The following ZNF704 variants were observed in gnomAD, a reference collection of about 807,000 sequenced individuals.
The protein encoded by ZNF704 is zinc finger protein 704.
A neutral mutation model predicts 44.7 loss-of-function variants in ZNF704; 10 were observed. The observed-to-expected ratio is 0.22, with a 90% CI of 0.14 to 0.38. The LOEUF is 0.38. Ranked by LOEUF, ZNF704 falls within the 10% of genes least tolerant of loss-of-function variation. ZNF704 has a pLI of 1.00. For synonymous variants in ZNF704, 211 were observed against 207.6 expected (o/e 1.02, Z -0.14); for missense variants, 390 against 545.5 (o/e 0.71, Z 2.84).
intron 2 of ZNF704, among the ~76,000 whole-genome samples, chr8:80,789,677 G>A (rs1807671897): frequency 6.6e-6 from 1 of 152,100 alleles, no homozygotes; most frequent in South Asian, 2.1e-4. Flanking sequence ...AGGAGTTTGA[G>A]GCTGCAGTAA....
At chr8:80,775,798 T>C (rs1021922293) in intron 2 of ZNF704, among the ~76,000 whole-genome samples, 1 of 152,176 alleles carries the variant, frequency 6.6e-6, no homozygotes, top group African/African-American at 2.4e-5. Context: ...GTGATAAAAA[T>C]GTGCTCCAAT....
At chr8:80,739,104 T>C (rs946348229) in intron 2 of ZNF704, among the ~76,000 whole-genome samples, 1 of 152,240 alleles carries the variant, frequency 6.6e-6, no homozygotes, top group Admixed American at 6.5e-5. Context: ...GTAATGAGTA[T>C]AATTTTTGGA....
chr8:80,876,269 C>T (rs910887260), upstream of ZNF704, among the ~76,000 whole-genome samples: 2 of 152,106 alleles, frequency 1.3e-5, no homozygotes. Context: ...GAGAAGAAAA[C>T]AGAACATTAA....
At chr8:80,746,845 C>T (rs912773024) in intron 2 of ZNF704, among the ~76,000 whole-genome samples, 1 of 152,068 alleles carries the variant, frequency 6.6e-6, no homozygotes, top group Non-Finnish European at 1.5e-5. Flanking sequence ...GTAAACCAGG[C>T]AAAAGGTCCT....
rs890422495 is a variant in ZNF704 at position 80,640,106 on chromosome 8, C to G, written c.*1260G>C. The G allele has an allele frequency of 6.6e-6, 1 of 152,632 alleles. No homozygotes were observed. Among genetic ancestry groups the G allele is most frequent in the African/African-American group, 2.4e-5 (1 of 41,436 alleles). 9.5% of individuals were successfully genotyped at this position (152,632 alleles called of 1,614,324 possible). A position where few individuals can be genotyped will look rare whatever the true frequency, so the allele number is the denominator to read the frequency against. The stretch of plus-strand genomic sequence containing the variant: ...AATTCCTATACCTACATGCATTTTC[C>G]TTTTGGCGTTATGTTCCCTTTTGAG... On this transcript the variant is annotated 3_prime_UTR_variant, in exon 9 of 9. Coordinates refer to ENST00000327835, the MANE Select transcript of ZNF704 (RefSeq NM_001033723.3).
intron 2 of ZNF704, among the ~76,000 whole-genome samples, chr8:80,791,909 T>C (rs1261229118): frequency 6.6e-6 from 1 of 152,146 alleles, no homozygotes; most frequent in East Asian, 1.9e-4. Flanking sequence ...AGGGAAAGAT[T>C]AGGCTGGACT....
At chr8:80,764,860 C>T (rs1394665311) in intron 2 of ZNF704, among the ~76,000 whole-genome samples, 1 of 152,112 alleles carries the variant, frequency 6.6e-6, no homozygotes, top group Non-Finnish European at 1.5e-5. Flanking sequence ...ATAAGAAATA[C>T]AGTAAGAAGG....
intron 2 of ZNF704, among the ~76,000 whole-genome samples, chr8:80,806,296 T>C (rs1425649302): frequency 6.6e-6 from 1 of 152,230 alleles, no homozygotes; most frequent in Non-Finnish European, 1.5e-5. Flanking sequence ...ATGTTCAAGA[T>C]GCTCAAAATT....
In ZNF704 at chr8:80,640,316, G is replaced by A. The variant is rs911930684; in HGVS notation, c.*1050C>T. On this transcript the variant is annotated 3_prime_UTR_variant, in exon 9 of 9. Transcript: ENST00000327835. ...TGATCTAACATGACTTTCTGAACAG[G>A]TAGGGCCATGTGGGCTGTGCTCTGT... 1.3e-5 allele frequency: 2 copies of A among 152,634 alleles called. No homozygotes were observed. The highest frequency in any genetic ancestry group is 2.9e-5 in the Non-Finnish European group (2 of 68,048). 9.5% of individuals were successfully genotyped at this position (152,634 alleles called of 1,614,324 possible).
chr8:80,698,757 G>A (rs1291608779), intron 2 of ZNF704, among the ~76,000 whole-genome samples: 1 of 152,232 alleles, frequency 6.6e-6, no homozygotes, highest in African/African-American at 2.4e-5. Context: ...CATCAGCAGA[G>A]GCAGCCCGGC....
chr8:80,665,835 T>TA lies in ZNF704; in HGVS notation c.660-754_660-753insT, dbSNP rs1296122032. ...TATTTTATTTTATTTTATTTTATTT[T>TA]TTTTTCATGATTGTAAGTTTCCTGA... is the stretch of plus-strand genomic sequence containing the variant. On this transcript the variant is annotated intron_variant, in intron 5 of 8. Coordinates refer to ENST00000327835, the MANE Select transcript of ZNF704 (RefSeq NM_001033723.3). Among the ~76,000 whole-genome samples the TA allele has an allele frequency of 5.3e-4, 80 of 152,020 alleles. 1 individual carries two copies. Among genetic ancestry groups the TA allele is most frequent in the Middle Eastern group, 3.4e-3 (1 of 294 alleles).
chr8:80,770,203 C>A (rs1031460227), intron 2 of ZNF704, among the ~76,000 whole-genome samples: 2 of 152,254 alleles, frequency 1.3e-5, no homozygotes, highest in African/African-American at 4.8e-5. Flanking sequence ...ATATCAGTAA[C>A]CTCTTGTAAA....
chr8:80,757,594 A>G (rs1359115106), intron 2 of ZNF704, among the ~76,000 whole-genome samples: 3 of 152,162 alleles, frequency 2.0e-5, no homozygotes, highest in Non-Finnish European at 4.4e-5. Context: ...GTAGTGTACA[A>G]TAAGGTCCTA....
intron 4 of ZNF704, among the ~76,000 whole-genome samples, chr8:80,685,080 C>G (rs932584500): frequency 2.0e-5 from 3 of 151,876 alleles, no homozygotes; most frequent in African/African-American, 7.3e-5. Context: ...TTTGTTCATT[C>G]CTTCCCACTA....
chr8:80,648,886 T>C (rs1304960468), intron 7 of ZNF704, among the ~76,000 whole-genome samples: 2 of 152,204 alleles, frequency 1.3e-5, no homozygotes, highest in Non-Finnish European at 2.9e-5. Flanking sequence ...TGGAACTCAC[T>C]TCCGAATGAT....
chr8:80,840,849 T>G (rs1380931229), intron 1 of ZNF704, among the ~76,000 whole-genome samples: 2 of 152,208 alleles, frequency 1.3e-5, no homozygotes, highest in East Asian at 3.8e-4. Context: ...CTAAACACAA[T>G]TAGCTCCCTT....
intron 1 of ZNF704, among the ~76,000 whole-genome samples, chr8:80,857,276 A>C (rs558325969): frequency 6.6e-5 from 10 of 152,302 alleles, no homozygotes; most frequent in African/African-American, 2.4e-4. Flanking sequence ...ATTGAATAAA[A>C]CAGGGCAGAC....
intron 2 of ZNF704, among the ~76,000 whole-genome samples, chr8:80,807,621 C>T: frequency 6.6e-6 from 1 of 151,856 alleles, no homozygotes; most frequent in East Asian, 1.9e-4. Context: ...AATATGTCAG[C>T]TCTGCTTAAT....
chr8:80,721,260 G>A (rs1010319299), intron 2 of ZNF704, among the ~76,000 whole-genome samples: 1 of 152,142 alleles, frequency 6.6e-6, no homozygotes, highest in Non-Finnish European at 1.5e-5. Context: ...TTGGAATGAT[G>A]TGGTAACTTT....
Sources: gnomAD v4.1 joint callset for allele counts (sites outside exome capture counted in the v4.1 genomes callset) on GRCh38, gnomAD v4.1.1 for gene constraint, MANE v1.5 for transcripts, NCBI Gene and HGNC (gene_info 2026-07-23, HGNC 2026-07-21) for gene names.